DERA: variants seen among roughly 807,000 people sequenced by gnomAD.
DERA encodes 2-deoxy-D-ribose 5-phosphate aldolase.
DERA carries 15 observed loss-of-function variants against 41.1 expected under a neutral mutation model. That is an observed-to-expected ratio of 0.37 (90% confidence interval 0.24 to 0.56). The LOEUF is 0.56. Ranked by LOEUF, DERA falls within the 20% of genes least tolerant of loss-of-function variation. The pLI is 0.81. For synonymous variants in DERA, 139 were observed against 137.4 expected (o/e 1.01, Z -0.08); for missense variants, 396 against 403.4 (o/e 0.98, Z 0.16).
intron 6 of DERA, among the ~76,000 whole-genome samples, chr12:16,027,554 T>C (rs1028475493): frequency 8.5e-5 from 13 of 152,166 alleles, no homozygotes; most frequent in African/African-American, 2.7e-4. Context: ...AAAGACTGTA[T>C]GAAGACAAAA....
rs1420126599 is a variant in DERA, at chr12:15,936,083, C to T, written c.32-20853C>T. ...TTCTCGAGTGATCCAAGTAGGAAGG[C>T]AAAAGCCACCATGTGTTTTCTTACC... On this transcript the variant is annotated intron_variant, in intron 1 of 8. Coordinates refer to ENST00000428559, the MANE Select transcript of DERA (RefSeq NM_015954.4). This position sits in a 1 kb window ranked among gnomAD's most constrained non-coding sequence, Gnocchi z 4.6. Among the ~76,000 whole-genome samples, 2 of 152,136 alleles carry T rather than the reference C, an allele frequency of 1.3e-5. No homozygotes were observed. The highest frequency in any genetic ancestry group is 4.8e-5 in the African/African-American group (2 of 41,420).
At chr12:15,939,294 A>G (rs1286630118) in intron 1 of DERA, among the ~76,000 whole-genome samples, 3 of 152,218 alleles carry the variant, frequency 2.0e-5, no homozygotes, top group Non-Finnish European at 4.4e-5. Context: ...CAAGAGATCT[A>G]AAGTGAAAGC....
At chr12:15,948,633 C>T (rs1948470639) in intron 1 of DERA, among the ~76,000 whole-genome samples, 1 of 152,106 alleles carries the variant, frequency 6.6e-6, no homozygotes, top group African/African-American at 2.4e-5. Context: ...ATCTTCTTTG[C>T]GACTGGTCGA....
At chr12:16,005,511 G>C (rs1948903460) in intron 6 of DERA, among the ~76,000 whole-genome samples, 1 of 152,100 alleles carries the variant, frequency 6.6e-6, no homozygotes, top group Non-Finnish European at 1.5e-5. Context: ...TTTTATGTTT[G>C]GAACTATTTT....
intron 6 of DERA, among the ~76,000 whole-genome samples, chr12:16,016,462 C>G (rs1948982823): frequency 6.6e-6 from 1 of 152,114 alleles, no homozygotes; most frequent in South Asian, 2.1e-4. Context: ...ATAACCCTTT[C>G]TTTTTTCCAA....
At chr12:15,986,356 G>A (rs1375940658) in intron 6 of DERA, among the ~76,000 whole-genome samples, 1 of 152,098 alleles carries the variant, frequency 6.6e-6, no homozygotes, top group Non-Finnish European at 1.5e-5. Flanking sequence ...AGTTAAGTCT[G>A]TCATCTTGCA....
At position 15,970,735 on chromosome 12, in the gene DERA, A is replaced by AT. The variant is rs1368784303; in HGVS notation, c.508+7789dup. ...TTCAAGATGTACACATGTACTTGGT[A>AT]TATCTGTAGACCTGATTCTTTCCAT... On this transcript the variant is annotated intron_variant, in intron 5 of 8. Coordinates refer to ENST00000428559, the MANE Select transcript of DERA (RefSeq NM_015954.4). This position sits in a 1 kb window ranked among gnomAD's most constrained non-coding sequence, Gnocchi z 4.3. Among the ~76,000 whole-genome samples, 2 of 152,142 alleles carry AT rather than the reference A, an allele frequency of 1.3e-5. No homozygotes were observed. Among genetic ancestry groups the AT allele is most frequent in the African/African-American group, 4.8e-5 (2 of 41,426 alleles).
rs1363613043 is a variant in DERA, at chr12:16,012,988, C to G, written c.638-19554C>G. ...GTTTAAACTAGCCACATTTCAAGTG[C>G]TCAGTAGCTACATATGGTGTGTAAC... On this transcript the variant is annotated intron_variant, in intron 6 of 8. Coordinates refer to ENST00000428559, the MANE Select transcript of DERA (RefSeq NM_015954.4). This position sits in a 1 kb window ranked among gnomAD's most constrained non-coding sequence, Gnocchi z 4.1. Among the ~76,000 whole-genome samples the G allele has an allele frequency of 6.6e-6, 1 of 152,140 alleles. No individual in the cohort carries two copies. Among genetic ancestry groups the G allele is most frequent in the Non-Finnish European group, 1.5e-5 (1 of 68,020 alleles).
At chr12:15,919,082 C>T (rs1221101407) in intron 1 of DERA, among the ~76,000 whole-genome samples, 2 of 152,066 alleles carry the variant, frequency 1.3e-5, no homozygotes, top group African/African-American at 4.8e-5. Flanking sequence ...TGAATGCTAA[C>T]TACTTTGATT....
intron 6 of DERA, among the ~76,000 whole-genome samples, chr12:16,002,081 C>T (rs1948878822): frequency 1.3e-5 from 2 of 151,284 alleles, no homozygotes; most frequent in Non-Finnish European, 2.9e-5. Flanking sequence ...TGTGCTGCAC[C>T]CATTAACTCG....
rs992905063 is a variant in DERA, at chr12:15,928,546, G to C, written c.31+17132G>C. On this transcript the variant is annotated intron_variant, in intron 1 of 8. Transcript: ENST00000428559. This position sits in a 1 kb window ranked among gnomAD's most constrained non-coding sequence, Gnocchi z 4.6. The stretch of plus-strand genomic sequence containing the variant: ...ACCCTGTTTGGACTACTTAACCCTT[G>C]AGTCATTGAGCCAGCTGATGGCAAG... Among the ~76,000 whole-genome samples the C allele has an allele frequency of 6.6e-6, 1 of 152,180 alleles. No homozygotes were observed. The highest frequency in any genetic ancestry group is 2.4e-5 in the African/African-American group (1 of 41,438).
chr12:15,969,513 A>T (rs1469721530), intron 5 of DERA, among the ~76,000 whole-genome samples: 2 of 152,180 alleles, frequency 1.3e-5, no homozygotes, highest in East Asian at 3.8e-4. Flanking sequence ...TGGAAGTACC[A>T]TTCGTCTCCT....
chr12:15,932,158 TTTTGTCTG>T (rs1162176740), intron 1 of DERA, among the ~76,000 whole-genome samples: 6 of 152,214 alleles, frequency 3.9e-5, no homozygotes, highest in Non-Finnish European at 7.3e-5. Context: ...ATATGAAAAC[TTTTGTCTG>T]TTACCAAATT....
intron 1 of DERA, among the ~76,000 whole-genome samples, chr12:15,929,713 G>A (rs1214420853): frequency 6.6e-6 from 1 of 152,134 alleles, no homozygotes. Flanking sequence ...CAAAGGTAGT[G>A]CAAAGGTACA....
intron 6 of DERA, among the ~76,000 whole-genome samples, chr12:16,015,032 T>C (rs1948971895): frequency 6.6e-6 from 1 of 152,230 alleles, no homozygotes; most frequent in African/African-American, 2.4e-5. Flanking sequence ...ACAATGCCTG[T>C]ACCCCAGTTG....
Position 15,911,530 on chromosome 12 carries a change from TG to T in DERA, c.31+120del. ...CTGTGGGTCCCCGAGGGGTTTTCGC[TG>T]GGGCGGGAAGCAGTGGCGTCTGGTC... is the stretch of plus-strand genomic sequence containing the variant. On this transcript the variant is annotated intron_variant, in intron 1 of 8. Transcript: ENST00000428559. This position sits in a 1 kb window ranked among gnomAD's most constrained non-coding sequence, Gnocchi z 4.5. 1 of 1,088,930 alleles carries T rather than the reference TG, an allele frequency of 9.2e-7. No homozygotes were observed. Among genetic ancestry groups the T allele is most frequent in the Non-Finnish European group, 1.3e-6 (1 of 782,190 alleles). The allele number at this position is 1,088,930 out of a possible 1,614,324, so 67.5% of individuals were successfully genotyped here. A position where few individuals can be genotyped will look rare whatever the true frequency, so the allele number is the denominator to read the frequency against.
intron 1 of DERA, among the ~76,000 whole-genome samples, chr12:15,934,824 TGG>T (rs1224372859): frequency 1.3e-5 from 2 of 152,196 alleles, no homozygotes; most frequent in Admixed American, 1.3e-4. Context: ...TACTTCATGC[TGG>T]GAACCTGGTA....
At position 15,984,645 on chromosome 12, in the gene DERA, T is replaced by C. The variant is rs909973870; in HGVS notation, c.637+2209T>C. Among the ~76,000 whole-genome samples the C allele has an allele frequency of 1.3e-5, 2 of 152,122 alleles. No individual in the cohort carries two copies. Among genetic ancestry groups the C allele is most frequent in the Non-Finnish European group, 2.9e-5 (2 of 68,026 alleles). ...TATTTGAACACTCTGGTCTTCTGGC[T>C]CCAGATTTATTGCTTTTTCACTTGT... On this transcript the variant is annotated intron_variant, in intron 6 of 8. Coordinates refer to ENST00000428559, the MANE Select transcript of DERA (RefSeq NM_015954.4). This position sits in a 1 kb window ranked among gnomAD's most constrained non-coding sequence, Gnocchi z 4.5.
chr12:16,024,758 G>T (rs190610618), intron 6 of DERA, among the ~76,000 whole-genome samples: 1 of 152,032 alleles, frequency 6.6e-6, no homozygotes, highest in Non-Finnish European at 1.5e-5. Context: ...TAGATCAGAA[G>T]CTTTGATCTG....
Sources: allele counts gnomAD v4.1 joint callset (sites outside exome capture counted in the v4.1 genomes callset), GRCh38; gene constraint gnomAD v4.1.1; non-coding constraint Gnocchi (gnomAD v3.1); transcripts MANE v1.5; gene names NCBI Gene and HGNC (gene_info 2026-07-23, HGNC 2026-07-21).